LPCAT2: variants seen among roughly 807,000 people sequenced by gnomAD.
The protein encoded by LPCAT2 is lysophosphatidylcholine acyltransferase 2.
LPCAT2 carries 58 observed loss-of-function variants against 64.7 expected under a neutral mutation model. That is an observed-to-expected ratio of 0.90 (90% CI 0.73 to 1.12). The LOEUF is 1.12. Among genes scored for constraint, LPCAT2 ranks in the 50% most tolerant of loss-of-function variants. LPCAT2 has a pLI of 0.00. For missense variants in LPCAT2, 579 were observed against 669.8 expected (o/e 0.86, Z 1.50); for synonymous variants, 252 against 245.3 (o/e 1.03, Z -0.26).
intron 8 of LPCAT2, 119 bp downstream of exon 8, chr16:55,537,751 A>G (rs1253725745): frequency 1.2e-5 from 9 of 768,464 alleles, no homozygotes; most frequent in Admixed American, 2.5e-5. Context: ...CAAATTGTGT[A>G]TATAAACCTA....
At chr16:55,542,070 G>A (rs1214880052) in intron 8 of LPCAT2, 13 of 823,158 alleles carry the variant, frequency 1.6e-5, no homozygotes, top group African/African-American at 3.6e-5. Flanking sequence ...AGAAAGGAAT[G>A]TGCTTGATGT....
In LPCAT2 at chr16:55,528,421, T is replaced by G; in HGVS notation, c.356T>G (p.Phe119Cys). Reference sequence around the variant, plus strand: ...TTGAAATTTCTGGGTCGTGCTATGTTCTTTTCAATGGGATTTATAGTTGCT... The same window carrying G: ...TTGAAATTTCTGGGTCGTGCTATGTGCTTTTCAATGGGATTTATAGTTGCT... ...TALKFLGRAM[F>C]FSMGFIVAVK... Residue 119 changes from phenylalanine (F) to cysteine (C), a missense_variant, in exon 3 of 14, where the codon TTC (phenylalanine) becomes TGC (cysteine). Physicochemically the swap from Phe to Cys is radical, Grantham distance 205. Transcript: ENST00000262134. 6.2e-7 allele frequency: 1 copy of G among 1,614,054 alleles called. No individual in the cohort carries two copies. Among genetic ancestry groups the G allele is most frequent in the Non-Finnish European group, 8.5e-7 (1 of 1,179,966 alleles).
At chr16:55,579,005 C>T (rs1963859606) in intron 12 of LPCAT2, 104 bp from the exon 13 acceptor site, 1 of 1,033,440 alleles carries the variant, frequency 9.7e-7, no homozygotes, top group Admixed American at 2.1e-5. Flanking sequence ...ATTTCTAGCC[C>T]TTGCCACAGT....
chr16:55,578,335 A>G (rs1963851048), intron 12 of LPCAT2, among the ~76,000 whole-genome samples: 1 of 152,094 alleles, frequency 6.6e-6, no homozygotes, highest in Non-Finnish European at 1.5e-5. Context: ...AATTTAACCT[A>G]TCTAGGTCTA....
chr16:55,568,157 G>A (rs200387639), intron 11 of LPCAT2, among the ~76,000 whole-genome samples: 16 of 14,926 alleles, frequency 1.1e-3, no homozygotes, highest in Admixed American at 2.3e-3. Flanking sequence ...GTAAAAAAAA[G>A]CACTAGCAAT....
intron 11 of LPCAT2, among the ~76,000 whole-genome samples, chr16:55,554,426 A>C (rs1308883620): frequency 6.6e-6 from 1 of 152,176 alleles, no homozygotes; most frequent in Admixed American, 6.5e-5. Context: ...GAACCTCATG[A>C]ACCAACCTCT....
intron 4 of LPCAT2, among the ~76,000 whole-genome samples, chr16:55,531,178 CCTAT>C (rs1355001082): frequency 6.6e-6 from 1 of 151,888 alleles, no homozygotes; most frequent in Non-Finnish European, 1.5e-5. Context: ...TAATATTTTC[CCTAT>C]CTAATTATCA....
intron 7 of LPCAT2, among the ~76,000 whole-genome samples, chr16:55,536,532 A>G (rs1392912808): frequency 1.3e-5 from 2 of 152,226 alleles, no homozygotes; most frequent in African/African-American, 4.8e-5. Flanking sequence ...TGACACATTA[A>G]CAATTTATAA....
intron 2 of LPCAT2, among the ~76,000 whole-genome samples, chr16:55,527,736 T>G (rs1223598582): frequency 2.6e-5 from 4 of 152,206 alleles, no homozygotes; most frequent in African/African-American, 9.6e-5. Context: ...AAAAGTAGTT[T>G]CTGGAATTGC....
chr16:55,515,544 G>T (rs1962999285), intron 1 of LPCAT2, among the ~76,000 whole-genome samples: 1 of 152,172 alleles, frequency 6.6e-6, no homozygotes, highest in Non-Finnish European at 1.5e-5. Context: ...ATCAGCAGTG[G>T]TAAAGGTAAC....
At chr16:55,543,321 T>C (rs943233256) in intron 8 of LPCAT2, among the ~76,000 whole-genome samples, 6 of 152,176 alleles carry the variant, frequency 3.9e-5, no homozygotes, top group Admixed American at 3.9e-4. Flanking sequence ...TGCACTAATA[T>C]AAAACCAAAC....
intron 11 of LPCAT2, among the ~76,000 whole-genome samples, chr16:55,571,722 A>G (rs1363318657): frequency 1.3e-5 from 2 of 152,074 alleles, no homozygotes; most frequent in African/African-American, 4.8e-5. Flanking sequence ...CATGATACTG[A>G]TTTGACATTT....
intron 1 of LPCAT2, among the ~76,000 whole-genome samples, chr16:55,519,516 A>G (rs1963063916): frequency 6.6e-6 from 1 of 151,606 alleles, no homozygotes; most frequent in African/African-American, 2.4e-5. Context: ...CACAAAAAAA[A>G]AAAGAAAGAA....
At chr16:55,553,901 C>A (rs1185706392) in intron 11 of LPCAT2, among the ~76,000 whole-genome samples, 4 of 152,170 alleles carry the variant, frequency 2.6e-5, no homozygotes, top group Non-Finnish European at 5.9e-5. Flanking sequence ...GGCATGAAAA[C>A]AACATTAGCC....
chr16:55,526,657 G>A (rs1246182539), intron 2 of LPCAT2, among the ~76,000 whole-genome samples: 1 of 152,032 alleles, frequency 6.6e-6, no homozygotes, highest in African/African-American at 2.4e-5. Flanking sequence ...TAAACTCAAG[G>A]TTGTGTAGTA....
chr16:55,570,731 TC>T (rs1249179573), intron 11 of LPCAT2, among the ~76,000 whole-genome samples: 4 of 152,200 alleles, frequency 2.6e-5, no homozygotes. Flanking sequence ...TGAAGAACCT[TC>T]AGAATTGCTT....
At chr16:55,559,812 A>G (rs1963616935) in intron 11 of LPCAT2, among the ~76,000 whole-genome samples, 1 of 150,326 alleles carries the variant, frequency 6.7e-6, no homozygotes, top group African/African-American at 2.4e-5. Context: ...TGTGACACAT[A>G]AACTTTTCTA....
intron 3 of LPCAT2, among the ~76,000 whole-genome samples, chr16:55,528,926 A>G (rs1472198508): frequency 6.6e-6 from 1 of 152,174 alleles, no homozygotes; most frequent in Non-Finnish European, 1.5e-5. Context: ...GAGAGAATCT[A>G]TGAAAACACA....
chr16:55,533,468 T>A (rs1423991378), intron 6 of LPCAT2, among the ~76,000 whole-genome samples: 2 of 139,012 alleles, frequency 1.4e-5, no homozygotes, highest in Admixed American at 1.6e-4. Context: ...TGGAGTACAA[T>A]GGCGTGATCT....
Sources: gnomAD v4.1 joint callset for allele counts (sites outside exome capture counted in the v4.1 genomes callset) on GRCh38, gnomAD v4.1.1 for gene constraint, MANE v1.5 for transcripts, NCBI Gene and HGNC (gene_info 2026-07-23, HGNC 2026-07-21) for gene names.